Variants in CTNNA1 observed in about 807,000 individuals in gnomAD.
The protein encoded by CTNNA1 is catenin alpha 1.
Under a neutral mutation model 98.4 loss-of-function variants are expected in CTNNA1, and 37 were observed. The ratio of observed to expected loss-of-function variants is 0.38; its 90% confidence interval spans 0.29 to 0.49. The LOEUF (loss-of-function observed/expected upper bound fraction) is 0.49. Ranked by LOEUF, CTNNA1 falls within the 20% of genes least tolerant of loss-of-function variation. The probability of loss-of-function intolerance (pLI) is 0.95; values close to 1 mark genes in which losing one functional copy is unlikely to be tolerated. For synonymous variants in CTNNA1, 404 were observed against 413.2 expected, an observed-to-expected ratio of 0.98 and a Z score of 0.27; for missense variants, 761 against 1,147.2, an observed-to-expected ratio of 0.66 and a Z score of 4.86.
rs762253008 is a variant in CTNNA1, at chr5:138,929,367, G to A, written c.2010+11G>A. 8 of 1,358,728 alleles carry A rather than the reference G, an allele frequency of 5.9e-6. No individual in the cohort carries two copies. Among genetic ancestry groups the A allele is most frequent in the African/African-American group, 4.3e-5 (3 of 70,056 alleles). The allele number at this position is 1,358,728 out of a possible 1,614,324, so 84.2% of individuals were successfully genotyped here. On this transcript the variant is annotated intron_variant, in intron 14 of 17. Coordinates refer to ENST00000302763, the MANE Select transcript of CTNNA1 (RefSeq NM_001903.5). Reference sequence around the variant, plus strand: ...GGCCAGAGTGCCCGGGTAAGGAAGCGCTCCGTGGGGCAGTTCAGCTTGTGC... The same window carrying A: ...GGCCAGAGTGCCCGGGTAAGGAAGCACTCCGTGGGGCAGTTCAGCTTGTGC...
At chr5:138,890,214 A>G (rs1046112615) in intron 9 of CTNNA1, among the ~76,000 whole-genome samples, 25 of 152,314 alleles carry the variant, frequency 1.6e-4, no homozygotes, top group African/African-American at 5.8e-4. Flanking sequence ...AGAGGTTCAG[A>G]CATTGCAGCC....
chr5:138,824,676 C>T lies in CTNNA1; in HGVS notation c.735C>T (p.Tyr245=). 6.2e-7 allele frequency: 1 copy of T among 1,614,212 alleles called. No homozygotes were observed. Residue 245 remains tyrosine (Y), a synonymous_variant, in exon 6 of 18, where the codon TAC becomes TAT. Transcript: ENST00000302763. ...ATAAGGCCAACAGGGACCTGATATA[C>T]AAGCAGCTGCAGCAGGCGGTCACAG... ...AAYKANRDLI[Y]KQLQQAVTGI...
In CTNNA1 at chr5:138,888,724, A is replaced by AT. The variant is rs879262997; in HGVS notation, c.1296+1095dup. Among the ~76,000 whole-genome samples, 705 of 140,758 alleles carry AT rather than the reference A, an allele frequency of 5.0e-3. 3 individuals are homozygous for AT. The highest frequency in any genetic ancestry group is 0.013 in the African/African-American group (480 of 38,390). 92.3% of individuals were successfully genotyped at this position (140,758 alleles called of 152,430 possible). ...CACCATGCCTGGCTAATTTTTTTGT[A>AT]TTTTTTTTTTTTTAGTAGAGACGGG... On this transcript the variant is annotated intron_variant, in intron 9 of 17. Transcript: ENST00000302763.
intron 7 of CTNNA1, among the ~76,000 whole-genome samples, chr5:138,845,806 T>C (rs1581244691): frequency 6.6e-6 from 1 of 152,108 alleles, no homozygotes; most frequent in East Asian, 1.9e-4. Flanking sequence ...CGAGTATGAT[T>C]GCCATGTCCT....
At chr5:138,923,999 G>A (rs28363470) in intron 11 of CTNNA1, among the ~76,000 whole-genome samples, 1 of 152,322 alleles carries the variant, frequency 6.6e-6, no homozygotes, top group East Asian at 1.9e-4. Flanking sequence ...TCTAGAGGAG[G>A]CTTCAACCTG....
At chr5:138,770,970 AAAAC>A (rs919409907) in intron 1 of CTNNA1, among the ~76,000 whole-genome samples, 28 of 152,022 alleles carry the variant, frequency 1.8e-4, no homozygotes, top group South Asian at 6.2e-4. Context: ...AAAAAACACA[AAAAC>A]AAACGAACAA....
chr5:138,779,535 T>TA (rs909188520), intron 1 of CTNNA1, among the ~76,000 whole-genome samples: 12 of 150,274 alleles, frequency 8.0e-5, no homozygotes, highest in Middle Eastern at 3.4e-3. Context: ...GTCCGTTTTT[T>TA]AAAAAAAAAA....
Position 138,897,294 on chromosome 5 carries a change from ACCCCCCCCCCC to A in CTNNA1, c.1297-7051_1297-7041del, listed in dbSNP as rs1200145464. Among the ~76,000 whole-genome samples the A allele has an allele frequency of 2.1e-3, 34 of 16,394 alleles. 1 individual carries two copies. The highest frequency in any genetic ancestry group is 7.1e-3 in the African/African-American group (32 of 4,528). The allele number at this position is 16,394 out of a possible 152,430, so 10.8% of individuals were successfully genotyped here. A position where few individuals can be genotyped will look rare whatever the true frequency, so the allele number is the denominator to read the frequency against. On this transcript the variant is annotated intron_variant, in intron 9 of 17. Transcript: ENST00000302763. ...AGCTGTTACCTATACCTCACACCGC[ACCCCCCCCCCC>A]CCCGCCCCCGCCCAGCACACACAGT...
chr5:138,859,906 T>G (rs1372993255), intron 7 of CTNNA1, among the ~76,000 whole-genome samples: 1 of 152,164 alleles, frequency 6.6e-6, no homozygotes, highest in African/African-American at 2.4e-5. Context: ...AGACCCAGTC[T>G]CAACAACTAA....
At chr5:138,853,259 A>C (rs2149853915) in intron 7 of CTNNA1, among the ~76,000 whole-genome samples, 1 of 151,930 alleles carries the variant, frequency 6.6e-6, no homozygotes, top group South Asian at 2.1e-4. Flanking sequence ...GCTCATTATT[A>C]AAGTTGCATT....
At chr5:138,927,236 C>A (rs931799672) in intron 13 of CTNNA1, among the ~76,000 whole-genome samples, 1 of 152,204 alleles carries the variant, frequency 6.6e-6, no homozygotes, top group Non-Finnish European at 1.5e-5. Context: ...TCTGTGCCAG[C>A]GTCTCCACAG....
chr5:138,842,484 C>A (rs1762357520), intron 7 of CTNNA1, among the ~76,000 whole-genome samples: 1 of 152,276 alleles, frequency 6.6e-6, no homozygotes, highest in South Asian at 2.1e-4. Context: ...TTAATATATA[C>A]TATTTAGTGA....
chr5:138,866,861 C>G (rs1561611640), intron 7 of CTNNA1, among the ~76,000 whole-genome samples: 1 of 152,146 alleles, frequency 6.6e-6, no homozygotes, highest in African/African-American at 2.4e-5. Context: ...ATGACTTTCA[C>G]CTCTTTTTCC....
chr5:138,823,956 C>CAAAAA lies in CTNNA1; in HGVS notation c.589-548_589-544dup, dbSNP rs369653057. ...TGGGCGACAGAGCGAGACTCCGTCT[C>CAAAAA]AAAAAAAAAAAAAAAAAAAAAAAAA... On this transcript the variant is annotated intron_variant, in intron 5 of 17. Transcript: ENST00000302763. 3.2e-3 allele frequency among the ~76,000 whole-genome samples: 203 copies of CAAAAA among 64,406 alleles called. 4 individuals carry two copies. The highest frequency in any genetic ancestry group is 6.6e-3 in the African/African-American group (128 of 19,262). 42.3% of individuals were successfully genotyped at this position (64,406 alleles called of 152,430 possible). A position where few individuals can be genotyped will look rare whatever the true frequency, so the allele number is the denominator to read the frequency against.
chr5:138,795,691 A>G (rs1756887005), intron 3 of CTNNA1, among the ~76,000 whole-genome samples: 1 of 152,068 alleles, frequency 6.6e-6, no homozygotes, highest in South Asian at 2.1e-4. Context: ...AAAGATGCCA[A>G]GCTGTTAAGT....
intron 7 of CTNNA1, among the ~76,000 whole-genome samples, chr5:138,860,790 G>T (rs1391058839): frequency 3.3e-5 from 5 of 152,070 alleles, no homozygotes; most frequent in African/African-American, 1.2e-4. Flanking sequence ...AATAAAATGG[G>T]CTCTAGTTTT....
At position 138,930,509 on chromosome 5, in the gene CTNNA1, A is replaced by T; in HGVS notation, c.2047A>T (p.Lys683Ter). Residue 683 changes from lysine (K) to a stop codon, truncating the protein, a stop_gained, in exon 15 of 18, where the codon AAG becomes TAG. Coordinates refer to ENST00000302763, the MANE Select transcript of CTNNA1 (RefSeq NM_001903.5). LOFTEE classifies it high-confidence loss of function. ...MAQLPQEQKA[K>*]IAEQVASFQE... Reference sequence around the variant, plus strand: ...TCAGCTTCCCCAGGAGCAAAAAGCGAAGATTGCGGAACAGGTGGCCAGCTT... The same window carrying T: ...TCAGCTTCCCCAGGAGCAAAAAGCGTAGATTGCGGAACAGGTGGCCAGCTT... The T allele has an allele frequency of 6.2e-7, 1 of 1,613,930 alleles. No homozygotes were observed. Among genetic ancestry groups the T allele is most frequent in the Non-Finnish European group, 8.5e-7 (1 of 1,179,906 alleles).
chr5:138,930,323 T>G, intron 14 of CTNNA1, 150 bp from the exon 15 acceptor site: 1 of 620,370 alleles, frequency 1.6e-6, no homozygotes, highest in Non-Finnish European at 2.8e-6. Context: ...CTGCAAAAAA[T>G]GAGAGAAATA....
At chr5:138,926,463 G>A (rs1019575114) in intron 13 of CTNNA1, among the ~76,000 whole-genome samples, 1 of 152,198 alleles carries the variant, frequency 6.6e-6, no homozygotes, top group Non-Finnish European at 1.5e-5. Context: ...TGCAACAGGC[G>A]TCCACCCACC....
Sources: gnomAD v4.1 joint callset for allele counts (sites outside exome capture counted in the v4.1 genomes callset) on GRCh38, gnomAD v4.1.1 for gene constraint, MANE v1.5 for transcripts, NCBI Gene and HGNC (gene_info 2026-07-23, HGNC 2026-07-21) for gene names.